Variants in CTNNA2 observed in about 807,000 individuals in gnomAD.
CTNNA2 encodes the protein catenin alpha-2.
A neutral mutation model predicts 101.0 loss-of-function variants in CTNNA2; 42 were observed. That is an observed-to-expected ratio of 0.42 (90% CI 0.32 to 0.54). CTNNA2 has a LOEUF of 0.54. Among genes scored for constraint, CTNNA2 ranks in the 20% least tolerant of loss-of-function variants. CTNNA2 has a pLI of 0.14. For missense variants in CTNNA2, 871 were observed against 1,223.1 expected, an observed-to-expected ratio of 0.71 and a Z score of 4.29; for synonymous variants, 450 against 456.4, an observed-to-expected ratio of 0.99 and a Z score of 0.18.
chr2:79,990,723 A>T (rs1692112782), intron 7 of CTNNA2, among the ~76,000 whole-genome samples: 1 of 152,110 alleles, frequency 6.6e-6, no homozygotes. Flanking sequence ...GACTAGGGAT[A>T]TTGGTCTAAA....
chr2:80,169,683 C>T (rs1704922895), intron 7 of CTNNA2, among the ~76,000 whole-genome samples: 1 of 152,136 alleles, frequency 6.6e-6, no homozygotes, highest in Non-Finnish European at 1.5e-5. Flanking sequence ...CCACAGAGCC[C>T]TGAGCAACTG....
Position 80,532,282 on chromosome 2 carries a change from A to T in CTNNA2, c.1291-12700A>T, listed in dbSNP as rs532571882. 5.3e-5 allele frequency among the ~76,000 whole-genome samples: 8 copies of T among 152,268 alleles called. No individual in the cohort carries two copies. In the South Asian group the frequency reaches 1.7e-3, roughly 32 times the overall value. On this transcript the variant is annotated intron_variant, in intron 9 of 18. Coordinates refer to ENST00000402739, the MANE Select transcript of CTNNA2 (RefSeq NM_001282597.3). ...TATTAAATGGAAAATTTCAGAAATA[A>T]CTCATACATTTTAAATTGAGTGCCA...
At chr2:79,483,288 A>C (rs1254167586) in intron 4 of CTNNA2, among the ~76,000 whole-genome samples, 1 of 152,206 alleles carries the variant, frequency 6.6e-6, no homozygotes, top group East Asian at 1.9e-4. Flanking sequence ...GCCCTCGTCT[A>C]TTGGTTAGTT....
At chr2:80,255,267 CA>C (rs1172052180) in intron 7 of CTNNA2, among the ~76,000 whole-genome samples, 1 of 152,068 alleles carries the variant, frequency 6.6e-6, no homozygotes, top group Non-Finnish European at 1.5e-5. Context: ...CATATGAACC[CA>C]GGGGGTTAAG....
intron 2 of CTNNA2, among the ~76,000 whole-genome samples, chr2:79,251,912 C>T (rs73938151): frequency 2.6e-4 from 39 of 152,242 alleles, no homozygotes; most frequent in African/African-American, 9.1e-4. Context: ...TACTAAACCG[C>T]CACTGATTGC....
At chr2:80,308,069 A>T (rs1435797554) in intron 7 of CTNNA2, among the ~76,000 whole-genome samples, 1 of 152,176 alleles carries the variant, frequency 6.6e-6, no homozygotes, top group African/African-American at 2.4e-5. Flanking sequence ...TTCTCTCTTC[A>T]ACCTTGTAAA....
intron 12 of CTNNA2, among the ~76,000 whole-genome samples, chr2:80,565,638 T>G (rs1384298293): frequency 6.6e-6 from 1 of 151,802 alleles, no homozygotes; most frequent in East Asian, 1.9e-4. Flanking sequence ...AAAGTCATGG[T>G]GTGAAGACAG....
intron 3 of CTNNA2, chr2:79,319,884 C>A (rs1416444933): frequency 9.9e-5 from 15 of 152,182 alleles, no homozygotes; most frequent in Non-Finnish European, 2.2e-4. Flanking sequence ...GCCCCACCCA[C>A]TGGGGCAAGC....
chr2:79,801,966 T>C (rs1308513448), intron 3 of CTNNA2, among the ~76,000 whole-genome samples: 1 of 123,038 alleles, frequency 8.1e-6, no homozygotes, highest in African/African-American at 3.2e-5. Context: ...CACTCTAGCC[T>C]GGGCAACAAG....
At chr2:79,363,240 T>C (rs1385837979) in intron 3 of CTNNA2, among the ~76,000 whole-genome samples, 2 of 152,236 alleles carry the variant, frequency 1.3e-5, no homozygotes, top group African/African-American at 4.8e-5. Flanking sequence ...GCTTTCTCAC[T>C]GTGTCCTCAC....
intron 18 of CTNNA2, among the ~76,000 whole-genome samples, chr2:80,637,993 A>AT (rs1371750480): frequency 2.0e-5 from 3 of 152,136 alleles, no homozygotes; most frequent in Non-Finnish European, 1.5e-5. Flanking sequence ...GGGTGGGGTC[A>AT]TTTAGTGACT....
chr2:80,458,163 C>A (rs1684137957), intron 9 of CTNNA2, among the ~76,000 whole-genome samples: 3 of 152,026 alleles, frequency 2.0e-5, no homozygotes, highest in African/African-American at 7.3e-5. Context: ...AATAAATAAA[C>A]CTTCGATTTT....
chr2:79,623,104 G>A (rs1253989365), intron 1 of CTNNA2, among the ~76,000 whole-genome samples: 3 of 152,164 alleles, frequency 2.0e-5, no homozygotes, highest in Non-Finnish European at 4.4e-5. Flanking sequence ...GGAGATAGAT[G>A]TTCATGAATC....
intron 1 of CTNNA2, among the ~76,000 whole-genome samples, chr2:79,562,682 C>T (rs1017084477): frequency 1.3e-5 from 2 of 152,122 alleles, no homozygotes; most frequent in South Asian, 4.1e-4. Flanking sequence ...TATAGAAACA[C>T]GTGTGTAGCA....
chr2:79,301,574 T>C (rs561850924), intron 2 of CTNNA2, among the ~76,000 whole-genome samples: 3 of 152,310 alleles, frequency 2.0e-5, no homozygotes, highest in Non-Finnish European at 4.4e-5. Flanking sequence ...GTCTCTGGAC[T>C]CCATTCCAAC....
At chr2:79,639,650 T>C (rs1377913878) in intron 1 of CTNNA2, among the ~76,000 whole-genome samples, 3 of 152,196 alleles carry the variant, frequency 2.0e-5, no homozygotes, top group Non-Finnish European at 2.9e-5. Context: ...AAATTAACTT[T>C]TATGACTTGG....
At chr2:80,600,382 T>C (rs999131175) in intron 15 of CTNNA2, among the ~76,000 whole-genome samples, 1 of 151,862 alleles carries the variant, frequency 6.6e-6, no homozygotes, top group Non-Finnish European at 1.5e-5. Context: ...AAAATTAAAA[T>C]TTATATTTTA....
intron 3 of CTNNA2, among the ~76,000 whole-genome samples, chr2:79,840,894 C>G (rs961500758): frequency 3.9e-5 from 6 of 152,098 alleles, no homozygotes; most frequent in African/African-American, 1.4e-4. Context: ...CTCAGCCTCC[C>G]GAGTAGCTGG....
At chr2:79,723,859 A>C (rs1257352101) in intron 2 of CTNNA2, among the ~76,000 whole-genome samples, 1 of 152,198 alleles carries the variant, frequency 6.6e-6, no homozygotes, top group African/African-American at 2.4e-5. Flanking sequence ...TCCTAAGGGA[A>C]TGAGGCCTGA....
Sources: gnomAD v4.1 joint callset for allele counts (sites outside exome capture counted in the v4.1 genomes callset) on GRCh38, gnomAD v4.1.1 for gene constraint, MANE v1.5 for transcripts, NCBI Gene and HGNC (gene_info 2026-07-23, HGNC 2026-07-21) for gene names.